ADARB2: variants seen among roughly 807,000 people sequenced by gnomAD.
The protein encoded by ADARB2 is inactive double-stranded RNA-specific editase B2.
Under a neutral mutation model 62.2 loss-of-function variants are expected in ADARB2, and 25 were observed. The ratio of observed to expected loss-of-function variants is 0.40; its 90% confidence interval spans 0.29 to 0.56. The LOEUF (loss-of-function observed/expected upper bound fraction) is 0.56. Among genes scored for constraint, ADARB2 ranks in the 20% least tolerant of loss-of-function variants. ADARB2 has a pLI of 0.43. For missense variants in ADARB2, 1,071 were observed against 1,077.4 expected, an observed-to-expected ratio of 0.99 and a Z score of 0.08; for synonymous variants, 572 against 500.8, an observed-to-expected ratio of 1.14 and a Z score of -1.90.
intron 1 of ADARB2, among the ~76,000 whole-genome samples, chr10:1,550,621 C>G (rs753268543): frequency 6.6e-6 from 1 of 152,154 alleles, no homozygotes; most frequent in African/African-American, 2.4e-5. Flanking sequence ...CCACACAGAC[C>G]GACACTGGAG....
intron 2 of ADARB2, among the ~76,000 whole-genome samples, chr10:1,366,472 T>C (rs775128560): frequency 6.6e-6 from 1 of 152,166 alleles, no homozygotes; most frequent in African/African-American, 2.4e-5. Context: ...GCTGTGCCCT[T>C]GCCCCACCCT....
intron 3 of ADARB2, among the ~76,000 whole-genome samples, chr10:1,314,081 G>A (rs56012215): frequency 4.6e-5 from 7 of 152,350 alleles, no homozygotes; most frequent in Non-Finnish European, 8.8e-5. Flanking sequence ...CCTGAGGCTC[G>A]GAGACATCGG....
chr10:1,479,248 G>T (rs1186960281), intron 1 of ADARB2, among the ~76,000 whole-genome samples: 1 of 152,202 alleles, frequency 6.6e-6, no homozygotes, highest in Non-Finnish European at 1.5e-5. Context: ...AGGACCGGGG[G>T]TACAGACCAG....
At chr10:1,186,541 C>G in intron 8 of ADARB2, 1 of 519,076 alleles carries the variant, frequency 1.9e-6, no homozygotes, top group South Asian at 1.4e-5. Flanking sequence ...GGGTGTCTCC[C>G]TCTCATTCAT....
intron 1 of ADARB2, among the ~76,000 whole-genome samples, chr10:1,693,641 T>C (rs946225153): frequency 1.3e-5 from 2 of 152,224 alleles, no homozygotes; most frequent in African/African-American, 4.8e-5. Context: ...ATTCATTCTT[T>C]AATATATTTG....
chr10:1,276,614 T>C (rs1363938263), intron 3 of ADARB2, among the ~76,000 whole-genome samples: 1 of 152,156 alleles, frequency 6.6e-6, no homozygotes, highest in African/African-American at 2.4e-5. Flanking sequence ...AGCAAGTCCT[T>C]AGAGACCTAC....
intron 3 of ADARB2, among the ~76,000 whole-genome samples, chr10:1,310,956 T>G (rs1172222361): frequency 1.3e-5 from 2 of 152,226 alleles, no homozygotes; most frequent in African/African-American, 4.8e-5. Flanking sequence ...ATGTGTGTTT[T>G]GGAGTAAATG....
At chr10:1,402,030 C>T (rs138291267) in intron 1 of ADARB2, among the ~76,000 whole-genome samples, 637 of 152,300 alleles carry the variant, frequency 4.2e-3, no homozygotes, top group Middle Eastern at 0.017. Flanking sequence ...GACCTTGGAA[C>T]TCGATTTTCA....
chr10:1,243,282 T>C (rs1371231834), intron 4 of ADARB2, among the ~76,000 whole-genome samples: 1 of 152,254 alleles, frequency 6.6e-6, no homozygotes, highest in Admixed American at 6.5e-5. Context: ...CGGAGACGCG[T>C]TAGCCGCTGA....
At chr10:1,576,037 GGCGGGGGGGTCAGGGTCACA>G (rs1833010858) in intron 1 of ADARB2, among the ~76,000 whole-genome samples, 1 of 31,634 alleles carries the variant, frequency 3.2e-5, no homozygotes, top group African/African-American at 1.6e-4. Flanking sequence ...AGGGCCACTC[GGCGGGGGGGTCAGGGTCACA>G]GGAGGGGGCC....
At chr10:1,425,238 A>G (rs1382767822) in intron 1 of ADARB2, among the ~76,000 whole-genome samples, 3 of 152,140 alleles carry the variant, frequency 2.0e-5, no homozygotes, top group African/African-American at 7.2e-5. Context: ...ACTGCATTTG[A>G]TTTCCTGATC....
intron 1 of ADARB2, among the ~76,000 whole-genome samples, chr10:1,578,628 T>A (rs1833052589): frequency 6.6e-6 from 1 of 151,330 alleles, no homozygotes; most frequent in Admixed American, 6.6e-5. Context: ...ACCACTGTTC[T>A]CCATGAGCTC....
chr10:1,573,147 GT>G (rs1298167302), intron 1 of ADARB2, among the ~76,000 whole-genome samples: 2 of 152,246 alleles, frequency 1.3e-5, no homozygotes, highest in African/African-American at 4.8e-5. Context: ...GCTGACGTTT[GT>G]TTGGAGGCAG....
In ADARB2 at chr10:1,182,892, T is replaced by TGCA; in HGVS notation, c.*298_*300dup. The TGCA allele has an allele frequency of 3.1e-6, 1 of 322,738 alleles. No individual in the cohort carries two copies. Among genetic ancestry groups the TGCA allele is most frequent in the Non-Finnish European group, 5.8e-6 (1 of 172,494 alleles). The allele number at this position is 322,738 out of a possible 1,614,324, so 20.0% of individuals were successfully genotyped here. On this transcript the variant is annotated 3_prime_UTR_variant, in exon 10 of 10. Coordinates refer to ENST00000381312, the MANE Select transcript of ADARB2 (RefSeq NM_018702.4). ...TCGTGTCGGTGCCTCCTTCCAAGGC[T>TGCA]GCAGCTAAAACCCCTTTGCCTGAAT...
At chr10:1,736,101 A>G (rs1236423195) in intron 1 of ADARB2, among the ~76,000 whole-genome samples, 1 of 152,178 alleles carries the variant, frequency 6.6e-6, no homozygotes, top group East Asian at 1.9e-4. Context: ...AAATCAGCAC[A>G]TTTCAAATCA....
intron 1 of ADARB2, among the ~76,000 whole-genome samples, chr10:1,424,465 G>C (rs569505279): frequency 2.0e-5 from 3 of 152,318 alleles, no homozygotes; most frequent in Admixed American, 2.0e-4. Flanking sequence ...TCGTGGCAAA[G>C]TGTGGATTCT....
chr10:1,678,497 G>T (rs1834497396), intron 1 of ADARB2, among the ~76,000 whole-genome samples: 2 of 152,170 alleles, frequency 1.3e-5, no homozygotes, highest in African/African-American at 4.8e-5. Context: ...CAGGGGGGCT[G>T]CCTGGGCTTG....
At chr10:1,689,264 G>A (rs1028871202) in intron 1 of ADARB2, among the ~76,000 whole-genome samples, 1 of 152,152 alleles carries the variant, frequency 6.6e-6, no homozygotes, top group African/African-American at 2.4e-5. Context: ...TTGATGAGAC[G>A]TTGAATTGTT....
chr10:1,247,362 C>A (rs562767182), intron 4 of ADARB2, among the ~76,000 whole-genome samples: 1 of 152,322 alleles, frequency 6.6e-6, no homozygotes, highest in East Asian at 1.9e-4. Flanking sequence ...ACTTCCAACA[C>A]TATGTTGAAT....
Sources: allele counts gnomAD v4.1 joint callset (sites outside exome capture counted in the v4.1 genomes callset), GRCh38; gene constraint gnomAD v4.1.1; transcripts MANE v1.5; gene names NCBI Gene and HGNC (gene_info 2026-07-23, HGNC 2026-07-21).